Variants in GPM6A observed in about 807,000 individuals in gnomAD.
GPM6A encodes glycoprotein M6A.
Under a neutral mutation model 32.1 loss-of-function variants are expected in GPM6A, and 7 were observed. That is an observed-to-expected ratio of 0.22 (90% CI 0.12 to 0.41). GPM6A has a LOEUF of 0.41. Among genes scored for constraint, GPM6A ranks in the 10% least tolerant of loss-of-function variants. The probability of loss-of-function intolerance (pLI) is 1.00; values close to 1 mark genes in which losing one functional copy is unlikely to be tolerated. For missense variants in GPM6A, 235 were observed against 347.2 expected (o/e 0.68, Z 2.57); for synonymous variants, 130 against 123.4 (o/e 1.05, Z -0.35).
chr4:175,693,694 C>A (rs1330720047), intron 2 of GPM6A, among the ~76,000 whole-genome samples: 2 of 152,114 alleles, frequency 1.3e-5, no homozygotes, highest in African/African-American at 4.8e-5. Flanking sequence ...AGCAAGTTTT[C>A]TTCTATCTGA....
chr4:175,694,948 C>T (rs966548117), intron 2 of GPM6A, among the ~76,000 whole-genome samples: 3 of 152,150 alleles, frequency 2.0e-5, no homozygotes, highest in Admixed American at 6.6e-5. Flanking sequence ...TCCTGCATCC[C>T]AGCTACTCCC....
At position 176,002,262 on chromosome 4, in the gene GPM6A, G is replaced by A. The variant is rs1054664349; in HGVS notation, c.-23+47C>T. 18 of 1,586,908 alleles carry A rather than the reference G, an allele frequency of 1.1e-5. No individual in the cohort carries two copies. In the Admixed American group the frequency reaches 1.2e-4, roughly 11 times the overall value. ...TTTTCTTTCTATAATGCCCATTCCCGAGGCCGAGCCTTTGGGCGAGGTGTA... is the reference window on the plus strand; with the variant it reads ...TTTTCTTTCTATAATGCCCATTCCCAAGGCCGAGCCTTTGGGCGAGGTGTA... On this transcript the variant is annotated intron_variant, in intron 1 of 7. Transcript: ENST00000280187.
At chr4:175,727,138 G>A (rs914783392) in intron 1 of GPM6A, among the ~76,000 whole-genome samples, 1 of 152,078 alleles carries the variant, frequency 6.6e-6, no homozygotes, top group African/African-American at 2.4e-5. Flanking sequence ...TTCACTGAAG[G>A]AAAGGAAAAT....
intron 1 of GPM6A, among the ~76,000 whole-genome samples, chr4:175,751,631 T>C (rs1216437507): frequency 6.6e-6 from 1 of 152,146 alleles, no homozygotes; most frequent in Non-Finnish European, 1.5e-5. Context: ...CTGAATCTAT[T>C]CTGTGCAAAC....
chr4:175,654,627 G>T (rs1741978008), intron 3 of GPM6A, among the ~76,000 whole-genome samples: 2 of 151,314 alleles, frequency 1.3e-5, no homozygotes, highest in South Asian at 4.2e-4. Flanking sequence ...GAGTTCTTGA[G>T]TCAGGGAAAG....
chr4:175,855,662 A>G (rs1736393802), intron 1 of GPM6A, among the ~76,000 whole-genome samples: 1 of 152,204 alleles, frequency 6.6e-6, no homozygotes, highest in Non-Finnish European at 1.5e-5. Context: ...AATAGATGAC[A>G]GATGATGCAA....
At chr4:175,947,293 T>C (rs1427623810) in intron 1 of GPM6A, among the ~76,000 whole-genome samples, 1 of 152,040 alleles carries the variant, frequency 6.6e-6, no homozygotes, top group Non-Finnish European at 1.5e-5. Context: ...TAGAAAATCT[T>C]CCTGTGATTT....
At chr4:175,643,954 C>T (rs1038867626) in intron 4 of GPM6A, among the ~76,000 whole-genome samples, 1 of 152,068 alleles carries the variant, frequency 6.6e-6, no homozygotes, top group Non-Finnish European at 1.5e-5. Flanking sequence ...GCGGACAGCC[C>T]ACCTCAAGGG....
chr4:175,712,761 C>G (rs1207338774), intron 1 of GPM6A, among the ~76,000 whole-genome samples: 2 of 152,186 alleles, frequency 1.3e-5, no homozygotes, highest in African/African-American at 4.8e-5. Context: ...CGTTAATATT[C>G]AGAGAATGTT....
rs192112194 is a variant in GPM6A at position 175,706,680 on chromosome 4, G to T, written c.38-4913C>A. Among the ~76,000 whole-genome samples, 351 of 152,254 alleles carry T rather than the reference G, an allele frequency of 2.3e-3. 1 individual carries two copies. Among genetic ancestry groups the T allele is most frequent in the Non-Finnish European group, 1.8e-3 (121 of 68,012 alleles). On this transcript the variant is annotated intron_variant, in intron 1 of 6. Coordinates refer to ENST00000393658, the MANE Select transcript of GPM6A (RefSeq NM_201591.3). ...GTCTGTCTATCACTGTGTCAGAGGT[G>T]TTTAAACCAAAGCAACTCCATCTTG...
chr4:175,795,656 T>G (rs1186980893), intron 1 of GPM6A, among the ~76,000 whole-genome samples: 2 of 151,760 alleles, frequency 1.3e-5, no homozygotes, highest in Non-Finnish European at 2.9e-5. Context: ...GAGGCAGAGG[T>G]GGGAGGATCA....
chr4:175,724,965 C>A (rs533023588), intron 1 of GPM6A, among the ~76,000 whole-genome samples: 1 of 152,104 alleles, frequency 6.6e-6, no homozygotes, highest in Non-Finnish European at 1.5e-5. Flanking sequence ...TTCTCCCTGG[C>A]GAGGCCCTCT....
intron 1 of GPM6A, among the ~76,000 whole-genome samples, chr4:175,725,792 A>C (rs998156691): frequency 7.2e-5 from 11 of 152,266 alleles, no homozygotes; most frequent in Admixed American, 5.9e-4. Context: ...TATAGAAAAA[A>C]TTTGTATGCT....
intron 1 of GPM6A, among the ~76,000 whole-genome samples, chr4:175,717,569 A>G (rs1745903292): frequency 6.6e-6 from 1 of 152,188 alleles, no homozygotes; most frequent in South Asian, 2.1e-4. Flanking sequence ...ATTTCCACAT[A>G]TAGACATAGA....
rs1288108232 is a variant in GPM6A, at chr4:175,636,708, A to G, written c.685-1651T>C. On this transcript the variant is annotated intron_variant, in intron 6 of 6. Coordinates refer to ENST00000393658, the MANE Select transcript of GPM6A (RefSeq NM_201591.3). The stretch of plus-strand genomic sequence containing the variant: ...CTACTCGGGAGGATGAGGCAGGAGA[A>G]TGGATTGAACCTGGGAGGCAGAGGT... 2.6e-5 allele frequency among the ~76,000 whole-genome samples: 4 copies of G among 151,078 alleles called. No individual in the cohort carries two copies. In the East Asian group the frequency reaches 7.8e-4, roughly 29 times the overall value.
At chr4:175,770,666 TCTGAAGA>T (rs993604193) in intron 1 of GPM6A, among the ~76,000 whole-genome samples, 120 of 152,164 alleles carry the variant, frequency 7.9e-4, no homozygotes, top group Non-Finnish European at 1.8e-4. Flanking sequence ...GGGTCCAGTC[TCTGAAGA>T]CTGAATTCCA....
At chr4:175,736,579 C>G (rs372631944) in intron 1 of GPM6A, among the ~76,000 whole-genome samples, 1 of 151,952 alleles carries the variant, frequency 6.6e-6, no homozygotes, top group Non-Finnish European at 1.5e-5. Flanking sequence ...GTTGCTGAAA[C>G]AGAAATAAAT....
rs1200107127 is a variant in GPM6A at position 175,712,345 on chromosome 4, C to T, written c.38-10578G>A. Among the ~76,000 whole-genome samples the T allele has an allele frequency of 2.0e-5, 3 of 152,168 alleles. No individual in the cohort carries two copies. In the East Asian group the frequency reaches 5.8e-4, roughly 29 times the overall value. On this transcript the variant is annotated intron_variant, in intron 1 of 6. Transcript: ENST00000393658. ...CCCTGCGGCCACACTATGGCAGAGC[C>T]AGGAGGCCTGATGCTGGCTCGTGGT...
intron 1 of GPM6A, among the ~76,000 whole-genome samples, chr4:175,950,045 C>T (rs1471299329): frequency 1.3e-5 from 2 of 152,054 alleles, no homozygotes; most frequent in African/African-American, 4.8e-5. Flanking sequence ...AGTAAGGACA[C>T]CCTCAAAAAA....
Sources: allele counts gnomAD v4.1 joint callset (sites outside exome capture counted in the v4.1 genomes callset), GRCh38; gene constraint gnomAD v4.1.1; transcripts MANE v1.5; gene names NCBI Gene and HGNC (gene_info 2026-07-23, HGNC 2026-07-21).